Variants in GALR3 observed in about 807,000 individuals in gnomAD.
The protein encoded by GALR3 is galanin receptor type 3.
In GALR3, 5 loss-of-function variants were observed where a neutral mutation model predicts 6.9. The ratio of observed to expected loss-of-function variants is 0.72; its 90% CI spans 0.38 to 1.52. GALR3 has a LOEUF of 1.52. Among genes scored for constraint, GALR3 ranks in the 40% most tolerant of loss-of-function variants. GALR3 has a pLI of 0.03. For synonymous variants in GALR3, 308 were observed against 263.6 expected, an observed-to-expected ratio of 1.17 and a Z score of -1.63; for missense variants, 570 against 545.6, an observed-to-expected ratio of 1.04 and a Z score of -0.44.
At position 37,823,456 on chromosome 22, in the gene GALR3, C is replaced by T. The variant is rs1402446665; in HGVS notation, c.50C>T (p.Ala17Val). 5 of 1,611,446 alleles carry T rather than the reference C, an allele frequency of 3.1e-6. No homozygotes were observed. In the African/African-American group the frequency reaches 5.3e-5, roughly 17 times the overall value. Residue 17 changes from alanine (A) to valine (V), a missense_variant, in exon 1 of 2, where the codon GCC becomes GTC. Ala to Val is a moderately conservative substitution (Grantham distance 64). Coordinates refer to ENST00000249041, the MANE Select transcript of GALR3 (RefSeq NM_003614.2). ...ISLDSPGSVG[A>V]VAVPVVFALI... ...CTGGACAGCCCAGGGAGTGTGGGGG[C>T]CGTGGCAGTGCCTGTGGTCTTTGCC...
chr22:37,823,780 G>C lies in GALR3; in HGVS notation c.359+15G>C, dbSNP rs199800343. On this transcript the variant is annotated intron_variant, in intron 1 of 1. Transcript: ENST00000249041. ...TCCGTGGACAGGTGCGCTGTGCCTG[G>C]GGCCTGGCTGGGCAGGGCTGTGGGG... The C allele has an allele frequency of 5.7e-5, 85 of 1,493,312 alleles. 1 individual carries two copies. Among genetic ancestry groups the C allele is most frequent in the Non-Finnish European group, 7.5e-5 (81 of 1,081,292 alleles). The allele number at this position is 1,493,312 out of a possible 1,614,324, so 92.5% of individuals were successfully genotyped here. A position where few individuals can be genotyped will look rare whatever the true frequency, so the allele number is the denominator to read the frequency against.
chr22:37,825,169 C>G lies in GALR3; in HGVS notation c.806C>G (p.Thr269Ser). 1 of 1,491,776 alleles carries G rather than the reference C, an allele frequency of 6.7e-7. No homozygotes were observed. The highest frequency in any genetic ancestry group is 9.0e-7 in the Non-Finnish European group (1 of 1,117,212). 92.4% of individuals were successfully genotyped at this position (1,491,776 alleles called of 1,614,324 possible). The change falls in exon 2 of 2, where the codon ACC becomes AGC. Residue 269 changes from threonine to serine, a missense_variant. By Grantham distance (58) the Thr-to-Ser change is moderately conservative. Coordinates refer to ENST00000249041, the MANE Select transcript of GALR3 (RefSeq NM_003614.2). ...WYGRFAFSPA[T>S]YACRLASHCL... ...GGCCGCTTCGCCTTCAGCCCGGCCA[C>G]CTACGCCTGCCGCCTGGCCTCACAC...
intron 1 of GALR3, 30 bp from the exon 2 acceptor site, chr22:37,824,693 C>T: frequency 8.4e-7 from 1 of 1,186,038 alleles, no homozygotes; most frequent in Non-Finnish European, 1.0e-6. Context: ...AGGGCACCTG[C>T]CCGCCCCGCT....
At chr22:37,823,819 G>A (rs931721231) in intron 1 of GALR3, 54 bp downstream of exon 1, 16 of 955,398 alleles carry the variant, frequency 1.7e-5, no homozygotes, top group East Asian at 1.5e-4. Flanking sequence ...GGGGTTGGGG[G>A]AGGAGTCCTG....
chr22:37,824,860 A>G lies in GALR3; in HGVS notation c.497A>G (p.Tyr166Cys), dbSNP rs757672600. The change falls in exon 2 of 2, where the codon TAC becomes TGC. Residue 166 changes from tyrosine to cysteine, a missense_variant. By Grantham distance (194) the Tyr-to-Cys change is radical (BLOSUM62 -2). Coordinates refer to ENST00000249041, the MANE Select transcript of GALR3 (RefSeq NM_003614.2). ...PYLSYYGTVRYGALELCVPAW... is the reference protein window; with the variant it reads ...PYLSYYGTVRCGALELCVPAW... ...CTCAGCTACTACGGCACCGTGCGCTACGGCGCGCTGGAGCTCTGCGTGCCC... is the reference window on the plus strand; with the variant it reads ...CTCAGCTACTACGGCACCGTGCGCTGCGGCGCGCTGGAGCTCTGCGTGCCC... 13 of 1,411,980 alleles carry G rather than the reference A, an allele frequency of 9.2e-6. No individual in the cohort carries two copies. In the Admixed American group the frequency reaches 3.1e-4, roughly 33 times the overall value. 87.5% of individuals were successfully genotyped at this position (1,411,980 alleles called of 1,614,324 possible).
rs1166877695 is a variant in GALR3 at position 37,824,756 on chromosome 22, C to CAG, written c.393_394insAG (p.Ala132ArgfsTer70). ...CCGTGCGGCACCCGCTGCGCTCGCG[C>CAG]GCCCTGCGCACGCCGCGTAACGCCC... On this transcript the variant is annotated frameshift_variant, in exon 2 of 2. Coordinates refer to ENST00000249041, the MANE Select transcript of GALR3 (RefSeq NM_003614.2). LOFTEE classifies it low-confidence loss of function (END_TRUNC). 7.9e-7 allele frequency: 1 copy of CAG among 1,258,932 alleles called. No individual in the cohort carries two copies. Among genetic ancestry groups the CAG allele is most frequent in the African/African-American group, 1.6e-5 (1 of 63,726 alleles). 78.0% of individuals were successfully genotyped at this position (1,258,932 alleles called of 1,614,324 possible). A position where few individuals can be genotyped will look rare whatever the true frequency, so the allele number is the denominator to read the frequency against.
chr22:37,824,799 G>C lies in GALR3; in HGVS notation c.436G>C (p.Val146Leu), dbSNP rs1922548378. 4.4e-6 allele frequency: 6 copies of C among 1,370,336 alleles called. No individual in the cohort carries two copies. The highest frequency in any genetic ancestry group is 5.7e-6 in the Non-Finnish European group (6 of 1,056,822). The allele number at this position is 1,370,336 out of a possible 1,614,324, so 84.9% of individuals were successfully genotyped here. A position where few individuals can be genotyped will look rare whatever the true frequency, so the allele number is the denominator to read the frequency against. ...PRNARAAVGLVWLLAALFSAP... is the reference protein window; with the variant it reads ...PRNARAAVGLLWLLAALFSAP... ...TAACGCCCGCGCCGCAGTGGGGCTG[G>C]TGTGGCTGCTGGCGGCGCTCTTCTC... Residue 146 changes from valine (V) to leucine (L), a missense_variant, in exon 2 of 2, where the codon GTG becomes CTG. By Grantham distance (32) the Val-to-Leu change is conservative. Coordinates refer to ENST00000249041, the MANE Select transcript of GALR3 (RefSeq NM_003614.2).
In GALR3 at chr22:37,824,851, C is replaced by G; in HGVS notation, c.488C>G (p.Thr163Ser). The G allele has an allele frequency of 7.1e-7, 1 of 1,417,494 alleles. No individual in the cohort carries two copies. Among genetic ancestry groups the G allele is most frequent in the Non-Finnish European group, 9.3e-7 (1 of 1,079,966 alleles). The allele number at this position is 1,417,494 out of a possible 1,614,324, so 87.8% of individuals were successfully genotyped here. The change falls in exon 2 of 2, where the codon ACC becomes AGC. Residue 163 changes from threonine (T) to serine (S), a missense_variant. Transcript: ENST00000249041. ...GCGCCCTACCTCAGCTACTACGGCA[C>G]CGTGCGCTACGGCGCGCTGGAGCTC... ...FSAPYLSYYG[T>S]VRYGALELCV... is the part of the protein sequence containing the mutation.
In GALR3 at chr22:37,823,480, C is replaced by T. The variant is rs771631824; in HGVS notation, c.74C>T (p.Ala25Val). Residue 25 changes from alanine (A) to valine (V), a missense_variant, in exon 1 of 2, where the codon GCC (alanine) becomes GTC (valine). Ala to Val is a moderately conservative substitution (Grantham distance 64). Transcript: ENST00000249041. ...GCCGTGGCAGTGCCTGTGGTCTTTG[C>T]CCTAATCTTCCTGCTGGGCACAGTG... ...VGAVAVPVVF[A>V]LIFLLGTVGN... is the part of the protein sequence containing the mutation. The T allele has an allele frequency of 2.5e-6, 4 of 1,613,918 alleles. No homozygotes were observed. Among genetic ancestry groups the T allele is most frequent in the Non-Finnish European group, 3.4e-6 (4 of 1,179,842 alleles).
rs556810207 is a variant in GALR3, at chr22:37,824,011, C to T, written c.359+246C>T. Among the ~76,000 whole-genome samples, 3 of 152,246 alleles carry T rather than the reference C, an allele frequency of 2.0e-5. No homozygotes were observed. The East Asian group carries it at 5.8e-4, about 29-fold the overall frequency. On this transcript the variant is annotated intron_variant, in intron 1 of 1. Transcript: ENST00000249041. Reference sequence around the variant, plus strand: ...GAACTTCCAGAGGACGCCTCTGAGTCTCAAGTGGCAGCACAGGGTCTGGCA... The same window carrying T: ...GAACTTCCAGAGGACGCCTCTGAGTTTCAAGTGGCAGCACAGGGTCTGGCA...
chr22:37,823,797 G>T, intron 1 of GALR3, 32 bp downstream of exon 1: 1 of 1,318,444 alleles, frequency 7.6e-7, no homozygotes, highest in Admixed American at 1.8e-5. Context: ...GCTGGGCAGG[G>T]CTGTGGGGGC....
chr22:37,824,861 C>A lies in GALR3; in HGVS notation c.498C>A (p.Tyr166Ter). Residue 166 changes from tyrosine (Y) to a stop codon, truncating the protein, a stop_gained, in exon 2 of 2, where the codon TAC becomes TAA. Transcript: ENST00000249041. LOFTEE classifies it low-confidence loss of function (END_TRUNC). ...PYLSYYGTVR[Y>*]GALELCVPAW... Reference sequence around the variant, plus strand: ...TCAGCTACTACGGCACCGTGCGCTACGGCGCGCTGGAGCTCTGCGTGCCCG... The same window carrying A: ...TCAGCTACTACGGCACCGTGCGCTAAGGCGCGCTGGAGCTCTGCGTGCCCG... 1.4e-6 allele frequency: 2 copies of A among 1,412,620 alleles called. No individual in the cohort carries two copies. Among genetic ancestry groups the A allele is most frequent in the Non-Finnish European group, 9.3e-7 (1 of 1,078,090 alleles). 87.5% of individuals were successfully genotyped at this position (1,412,620 alleles called of 1,614,324 possible). A position where few individuals can be genotyped will look rare whatever the true frequency, so the allele number is the denominator to read the frequency against.
In GALR3 at chr22:37,824,781, C is replaced by T; in HGVS notation, c.418C>T (p.Arg140Cys). 2.3e-6 allele frequency: 3 copies of T among 1,305,982 alleles called. No homozygotes were observed. The highest frequency in any genetic ancestry group is 2.1e-5 in the South Asian group (1 of 46,646). The allele number at this position is 1,305,982 out of a possible 1,614,324, so 80.9% of individuals were successfully genotyped here. Residue 140 changes from arginine (R) to cysteine (C), a missense_variant, in exon 2 of 2, where the codon CGC (arginine) becomes TGC (cysteine). Coordinates refer to ENST00000249041, the MANE Select transcript of GALR3 (RefSeq NM_003614.2). ...CGCCCTGCGCACGCCGCGTAACGCC[C>T]GCGCCGCAGTGGGGCTGGTGTGGCT... is the stretch of plus-strand genomic sequence containing the variant. ...SRALRTPRNA[R>C]AAVGLVWLLA...
At chr22:37,823,917 G>C (rs566790278) in intron 1 of GALR3, 152 bp downstream of exon 1, 58 of 604,822 alleles carry the variant, frequency 9.6e-5, no homozygotes, top group Non-Finnish European at 1.6e-4. Context: ...CTGACCCCTC[G>C]CAAGCAGCCT....
rs1312546704 is a variant in GALR3, at chr22:37,825,164, G to A, written c.801G>A (p.Pro267=). 3.4e-6 allele frequency: 5 copies of A among 1,487,816 alleles called. No individual in the cohort carries two copies. The highest frequency in any genetic ancestry group is 4.5e-6 in the Non-Finnish European group (5 of 1,114,770). The allele number at this position is 1,487,816 out of a possible 1,614,324, so 92.2% of individuals were successfully genotyped here. A position where few individuals can be genotyped will look rare whatever the true frequency, so the allele number is the denominator to read the frequency against. The stretch of plus-strand genomic sequence containing the variant: ...GGTACGGCCGCTTCGCCTTCAGCCC[G>A]GCCACCTACGCCTGCCGCCTGGCCT... ...CFWYGRFAFS[P]ATYACRLASH... is the part of the protein sequence containing the mutation. Residue 267 remains proline, a synonymous_variant, in exon 2 of 2, where the codon CCG becomes CCA. Transcript: ENST00000249041.
rs1922569279 is a variant in GALR3 at position 37,825,129 on chromosome 22, C to T, written c.766C>T (p.Leu256=). The change falls in exon 2 of 2, where the codon CTG becomes TTG. Residue 256 remains leucine, a synonymous_variant. Coordinates refer to ENST00000249041, the MANE Select transcript of GALR3 (RefSeq NM_003614.2). ...CTGGGGTCCGCACCACGCGCTCATC[C>T]TGTGCTTCTGGTACGGCCGCTTCGC... ...LCWGPHHALI[L]CFWYGRFAFS... is the part of the protein sequence containing the mutation. 2.1e-6 allele frequency: 3 copies of T among 1,453,202 alleles called. No individual in the cohort carries two copies. Among genetic ancestry groups the T allele is most frequent in the Admixed American group, 2.0e-5 (1 of 49,080 alleles). The allele number at this position is 1,453,202 out of a possible 1,614,324, so 90.0% of individuals were successfully genotyped here.
chr22:37,824,227 A>T (rs1260034016), intron 1 of GALR3, among the ~76,000 whole-genome samples: 2 of 149,796 alleles, frequency 1.3e-5, no homozygotes, highest in Non-Finnish European at 3.0e-5. Flanking sequence ...AGGCCACCAC[A>T]CCTGGCTAAT....
In GALR3 at chr22:37,825,481, C is replaced by G. The variant is rs1160393427; in HGVS notation, c.*11C>G. On this transcript the variant is annotated 3_prime_UTR_variant, in exon 2 of 2. Coordinates refer to ENST00000249041, the MANE Select transcript of GALR3 (RefSeq NM_003614.2). Reference sequence around the variant, plus strand: ...CGAGGACCGGAATAAACCCTGCCGCCTGGACTCCGCCTGTGTCCGTCTGTC... The same window carrying G: ...CGAGGACCGGAATAAACCCTGCCGCGTGGACTCCGCCTGTGTCCGTCTGTC... The G allele has an allele frequency of 7.6e-7, 1 of 1,312,620 alleles. No individual in the cohort carries two copies. Among genetic ancestry groups the G allele is most frequent in the Non-Finnish European group, 9.7e-7 (1 of 1,028,106 alleles). 81.3% of individuals were successfully genotyped at this position (1,312,620 alleles called of 1,614,324 possible).
intron 1 of GALR3, 34 bp downstream of exon 1, chr22:37,823,799 T>TGGGGG: frequency 1.7e-6 from 2 of 1,167,910 alleles, no homozygotes; most frequent in Admixed American, 1.8e-5. Context: ...TGGGCAGGGC[T>TGGGGG]GTGGGGGCGG....
Sources: gnomAD v4.1 joint callset for allele counts (sites outside exome capture counted in the v4.1 genomes callset) on GRCh38, gnomAD v4.1.1 for gene constraint, MANE v1.5 for transcripts, NCBI Gene and HGNC (gene_info 2026-07-23, HGNC 2026-07-21) for gene names.